POU6F2: variants seen among roughly 807,000 people sequenced by gnomAD.
POU6F2 encodes the protein POU domain, class 6, transcription factor 2.
In POU6F2, 31 loss-of-function variants were observed where a neutral mutation model predicts 71.3. That is an observed-to-expected ratio of 0.43 (90% CI 0.33 to 0.59). The LOEUF (loss-of-function observed/expected upper bound fraction) is 0.59, where lower values mean the gene tolerates loss of function less well. Ranked by LOEUF, POU6F2 falls within the 20% of genes least tolerant of loss-of-function variation. The pLI is 0.04. For missense variants in POU6F2, 783 were observed against 856.8 expected, an observed-to-expected ratio of 0.91 and a Z score of 1.07; for synonymous variants, 347 against 355.7, an observed-to-expected ratio of 0.98 and a Z score of 0.27.
intron 4 of POU6F2, 86 bp from the exon 5 acceptor site, chr7:39,339,556 C>A: frequency 6.9e-7 from 1 of 1,457,576 alleles, no homozygotes; most frequent in Non-Finnish European, 9.0e-7. Flanking sequence ...GGAAACCCTT[C>A]TCCACTTGCA....
chr7:39,009,078 A>T lies in POU6F2; in HGVS notation c.105+31020A>T, dbSNP rs576601605. Among the ~76,000 whole-genome samples the T allele has an allele frequency of 8.5e-5, 13 of 152,240 alleles. No homozygotes were observed. The East Asian group carries it at 2.1e-3, about 25-fold the overall frequency. On this transcript the variant is annotated intron_variant, in intron 1 of 9. Coordinates refer to ENST00000518318, the MANE Select transcript of POU6F2 (RefSeq NM_001370959.1). ...AGTGAAGAAAGTCATTGGTAGCTTGATGGGGATGGCATTGAATCTGTAAAT... is the reference window on the plus strand; with the variant it reads ...AGTGAAGAAAGTCATTGGTAGCTTGTTGGGGATGGCATTGAATCTGTAAAT...
intron 2 of POU6F2, among the ~76,000 whole-genome samples, chr7:39,097,825 A>G (rs561729608): frequency 6.6e-6 from 1 of 152,296 alleles, no homozygotes; most frequent in East Asian, 1.9e-4. Flanking sequence ...ATAGCCCACA[A>G]TCAGCATCAT....
chr7:39,011,352 C>CT (rs1207306170), intron 1 of POU6F2, among the ~76,000 whole-genome samples: 2 of 151,424 alleles, frequency 1.3e-5, no homozygotes, highest in Non-Finnish European at 3.0e-5. Flanking sequence ...CAACCCCTGC[C>CT]TTTTTTTGTT....
intron 2 of POU6F2, among the ~76,000 whole-genome samples, chr7:39,098,122 T>C (rs1275447938): frequency 6.6e-6 from 1 of 152,186 alleles, no homozygotes; most frequent in Non-Finnish European, 1.5e-5. Flanking sequence ...ATTAGATTAT[T>C]TCTTCCTGCC....
intron 5 of POU6F2, among the ~76,000 whole-genome samples, chr7:39,365,768 G>A (rs1267195058): frequency 6.6e-6 from 1 of 152,228 alleles, no homozygotes; most frequent in Non-Finnish European, 1.5e-5. Context: ...GAGTGAGAAT[G>A]AGAAAGGAGG....
intron 1 of POU6F2, among the ~76,000 whole-genome samples, chr7:39,015,004 C>T (rs995945128): frequency 6.6e-6 from 1 of 151,926 alleles, no homozygotes; most frequent in African/African-American, 2.4e-5. Flanking sequence ...GATCGTCTTC[C>T]TCCTCGTGGT....
At chr7:39,059,600 A>G (rs1299286673) in intron 1 of POU6F2, among the ~76,000 whole-genome samples, 3 of 152,130 alleles carry the variant, frequency 2.0e-5, no homozygotes, top group Non-Finnish European at 4.4e-5. Context: ...TGTTGCAGCT[A>G]CTGTGGAAAA....
intron 1 of POU6F2, among the ~76,000 whole-genome samples, chr7:39,056,516 T>C (rs1790522075): frequency 6.6e-6 from 1 of 152,176 alleles, no homozygotes; most frequent in Admixed American, 6.5e-5. Flanking sequence ...TTCTCCATCT[T>C]TTTTATAATT....
chr7:39,355,839 A>G (rs1015944532), intron 5 of POU6F2, among the ~76,000 whole-genome samples: 5 of 152,192 alleles, frequency 3.3e-5, no homozygotes, highest in African/African-American at 9.7e-5. Context: ...CCCACCAAAA[A>G]TGAGTAGATA....
chr7:39,189,661 A>T (rs954770396), intron 2 of POU6F2, among the ~76,000 whole-genome samples: 1 of 152,188 alleles, frequency 6.6e-6, no homozygotes, highest in East Asian at 1.9e-4. Flanking sequence ...CGGGCTTGCA[A>T]AGTGCTGGGA....
At chr7:39,422,902 T>C (rs1787884105) in intron 6 of POU6F2, among the ~76,000 whole-genome samples, 2 of 152,162 alleles carry the variant, frequency 1.3e-5, no homozygotes, top group Non-Finnish European at 2.9e-5. Context: ...TCTCGGACTC[T>C]CAAGATCTAG....
intron 1 of POU6F2, among the ~76,000 whole-genome samples, chr7:38,983,476 T>G (rs1788379665): frequency 6.6e-6 from 1 of 151,988 alleles, no homozygotes; most frequent in Non-Finnish European, 1.5e-5. Flanking sequence ...CTATGTAAAT[T>G]GCTCTGTTGA....
chr7:39,406,530 C>T (rs955052623), intron 5 of POU6F2, 70 bp from the exon 6 acceptor site: 3 of 1,554,658 alleles, frequency 1.9e-6, no homozygotes, highest in Non-Finnish European at 2.6e-6. Flanking sequence ...TCCCCAGAGT[C>T]AATGTTGTGT....
intron 4 of POU6F2, among the ~76,000 whole-genome samples, chr7:39,333,733 G>T (rs1485057546): frequency 6.6e-6 from 1 of 152,124 alleles, no homozygotes; most frequent in African/African-American, 2.4e-5. Flanking sequence ...GTGAGACTTT[G>T]TCTCAAAAAT....
At chr7:39,111,007 A>G (rs1791799219) in intron 2 of POU6F2, among the ~76,000 whole-genome samples, 1 of 143,268 alleles carries the variant, frequency 7.0e-6, no homozygotes, top group Non-Finnish European at 1.6e-5. Context: ...AATTTTAAAT[A>G]AATTGTATAT....
intron 8 of POU6F2, among the ~76,000 whole-genome samples, chr7:39,458,903 G>C (rs1045767662): frequency 6.6e-6 from 1 of 152,074 alleles, no homozygotes; most frequent in Non-Finnish European, 1.5e-5. Context: ...TTCATTCTCT[G>C]AAAACTGCCC....
chr7:39,397,317 A>G (rs1787192407), intron 5 of POU6F2, among the ~76,000 whole-genome samples: 1 of 11,512 alleles, frequency 8.7e-5, no homozygotes, highest in Admixed American at 1.7e-3. Flanking sequence ...ATTGTAAAGT[A>G]TATATATTAT....
chr7:39,182,533 G>A (rs1052003074), intron 2 of POU6F2, among the ~76,000 whole-genome samples: 7 of 152,018 alleles, frequency 4.6e-5, no homozygotes, highest in African/African-American at 1.2e-4. Context: ...AATCTAGTAG[G>A]CATCTTTCTC....
At chr7:39,041,612 G>A (rs1790194719) in intron 1 of POU6F2, among the ~76,000 whole-genome samples, 1 of 151,562 alleles carries the variant, frequency 6.6e-6, no homozygotes, top group Non-Finnish European at 1.5e-5. Flanking sequence ...TTTATTTATA[G>A]GTACCCTTTA....
Sources: allele counts gnomAD v4.1 joint callset (sites outside exome capture counted in the v4.1 genomes callset), GRCh38; gene constraint gnomAD v4.1.1; transcripts MANE v1.5; gene names NCBI Gene and HGNC (gene_info 2026-07-23, HGNC 2026-07-21).